ZNF45: variants seen among roughly 807,000 people sequenced by gnomAD.
The protein encoded by ZNF45 is zinc finger protein 45.
ZNF45 carries 4 observed loss-of-function variants against 12.0 expected under a neutral mutation model. The observed-to-expected ratio is 0.33, with a 90% CI of 0.16 to 0.76. ZNF45 has a LOEUF of 0.76. Among genes scored for constraint, ZNF45 ranks in the 30% least tolerant of loss-of-function variants. The probability of loss-of-function intolerance (pLI) is 0.60; values close to 1 mark genes in which losing one functional copy is unlikely to be tolerated. For synonymous variants in ZNF45, 272 were observed against 279.6 expected, an observed-to-expected ratio of 0.97 and a Z score of 0.27; for missense variants, 700 against 813.0, an observed-to-expected ratio of 0.86 and a Z score of 1.69.
At chr19:43,920,877 C>G (rs551828777) in intron 7 of ZNF45, among the ~76,000 whole-genome samples, 1 of 152,100 alleles carries the variant, frequency 6.6e-6, no homozygotes, top group African/African-American at 2.4e-5. Context: ...GCTGGGATTA[C>G]AGGTGTGAGC....
In ZNF45 at chr19:43,913,829, C is replaced by A; in HGVS notation, c.1607G>T (p.Gly536Val). ...KPYQCAECGK[G>V]FSVGSQLQAH... ...TTGAAGCTGTGAACCTACACTGAAG[C>A]CCTTCCCACACTCTGCACACTGATA... Residue 536 changes from glycine (G) to valine (V), a missense_variant, in exon 10 of 10, where the codon GGC (glycine) becomes GTC (valine). Transcript: ENST00000269973. 6.2e-7 allele frequency: 1 copy of A among 1,613,876 alleles called. No individual in the cohort carries two copies. The highest frequency in any genetic ancestry group is 1.1e-5 in the South Asian group (1 of 91,068).
rs371767963 is a variant in ZNF45, at chr19:43,914,298, T to C, written c.1138A>G (p.Ile380Val). 1.2e-5 allele frequency: 20 copies of C among 1,612,998 alleles called. No homozygotes were observed. In the African/African-American group the frequency reaches 2.5e-4, roughly 20 times the overall value. The change falls in exon 10 of 10, where the codon ATA becomes GTA. Residue 380 changes from isoleucine (I) to valine (V), a missense_variant. Transcript: ENST00000269973. ...TATGGCTTCTCTCCAGTGTGGCTTA[T>C]CTGATGGGCCTGAAGGTGTGAACCC... ...SVGSHLQAHQ[I>V]SHTGEKPYKC...
chr19:43,923,155 C>T (rs912694072), intron 6 of ZNF45, among the ~76,000 whole-genome samples: 1 of 152,094 alleles, frequency 6.6e-6, no homozygotes, highest in Admixed American at 6.5e-5. Flanking sequence ...GTTTTTTAAC[C>T]TCTACTTTAA....
chr19:43,933,927 C>T (rs1974328173), intron 2 of ZNF45, among the ~76,000 whole-genome samples: 1 of 152,132 alleles, frequency 6.6e-6, no homozygotes, highest in African/African-American at 2.4e-5. Flanking sequence ...TAAACTCAAC[C>T]TTGCTTTCAA....
At position 43,935,206 on chromosome 19, in the gene ZNF45, C is replaced by T. The variant is rs1974410147; in HGVS notation, c.-1038G>A. 1 of 152,270 alleles carries T rather than the reference C, an allele frequency of 6.6e-6. No individual in the cohort carries two copies. The highest frequency in any genetic ancestry group is 2.4e-5 in the African/African-American group (1 of 41,472). 9.4% of individuals were successfully genotyped at this position (152,270 alleles called of 1,614,324 possible). On this transcript the variant is annotated 5_prime_UTR_variant, in exon 1 of 10. Coordinates refer to ENST00000269973, the MANE Select transcript of ZNF45 (RefSeq NM_003425.4). Reference sequence around the variant, plus strand: ...CCAAACCATAAAAGTTAAAACAGGTCGCGGGGTCCCAGGACTCACTCACTT... The same window carrying T: ...CCAAACCATAAAAGTTAAAACAGGTTGCGGGGTCCCAGGACTCACTCACTT...
In ZNF45 at chr19:43,922,013, TAAAC is replaced by T. The variant is rs527781504; in HGVS notation, c.15+154_15+157del. ...AGTCATAAAATAAAGCAACAAAAAT[TAAAC>T]AACACAAAAGTAAAAAGCAGCAAGC... On this transcript the variant is annotated intron_variant, in intron 7 of 9. Transcript: ENST00000269973. 5.6e-4 allele frequency among the ~76,000 whole-genome samples: 85 copies of T among 152,314 alleles called. 1 individual carries two copies. In the South Asian group the frequency reaches 9.3e-3, roughly 17 times the overall value.
rs748796778 is a variant in ZNF45, at chr19:43,913,590, C to T, written c.1846G>A (p.Glu616Lys). 3 of 1,613,940 alleles carry T rather than the reference C, an allele frequency of 1.9e-6. No individual in the cohort carries two copies. Among genetic ancestry groups the T allele is most frequent in the Non-Finnish European group, 2.5e-6 (3 of 1,179,954 alleles). ...HTGERPYKCE[E>K]CGKVFSWSSY... ...CTCCAGCTGAAGACTTTCCCACATT[C>T]CTCACATTTGTATGGTCTCTCTCCT... The change falls in exon 10 of 10, where the codon GAA (glutamate) becomes AAA (lysine). Residue 616 changes from glutamate to lysine, a missense_variant. Glu to Lys is a moderately conservative substitution (Grantham distance 56, BLOSUM62 1). Coordinates refer to ENST00000269973, the MANE Select transcript of ZNF45 (RefSeq NM_003425.4).
rs754843067 is a variant in ZNF45 at position 43,914,594 on chromosome 19, C to T, written c.842G>A (p.Cys281Tyr). 6.2e-7 allele frequency: 1 copy of T among 1,613,714 alleles called. No homozygotes were observed. Among genetic ancestry groups the T allele is most frequent in the South Asian group, 1.1e-5 (1 of 91,026 alleles). The change falls in exon 10 of 10, where the codon TGT becomes TAT. Residue 281 changes from cysteine (C) to tyrosine (Y), a missense_variant. Transcript: ENST00000269973. The stretch of plus-strand genomic sequence containing the variant: ...TGATCTCTGACTGAAGCCCACCCCA[C>T]ACTCCTCACATTTATAGGGTTTCTC... ...TGEKPYKCEE[C>Y]GVGFSQRSYL...
chr19:43,915,583 T>G (rs1044498374), intron 9 of ZNF45, among the ~76,000 whole-genome samples: 6 of 152,058 alleles, frequency 3.9e-5, no homozygotes, highest in Non-Finnish European at 8.8e-5. Flanking sequence ...CAGCAGGAGG[T>G]GAGCGGGAGG....
Position 43,914,343 on chromosome 19 carries a change from A to G in ZNF45, c.1093T>C (p.Cys365Arg). ...GAACCCACACTGAAACCTTTCCCAC[A>G]CTCCTCACACTTATAGGGTTTCTCT... is the stretch of plus-strand genomic sequence containing the variant. The part of the protein sequence containing the change: ...TGEKPYKCEE[C>R]GKGFSVGSHL... The change falls in exon 10 of 10, where the codon TGT (cysteine) becomes CGT (arginine). Residue 365 changes from cysteine (C) to arginine (R), a missense_variant. Transcript: ENST00000269973. 1 of 1,612,236 alleles carries G rather than the reference A, an allele frequency of 6.2e-7. No individual in the cohort carries two copies. The highest frequency in any genetic ancestry group is 1.1e-5 in the South Asian group (1 of 90,956).
chr19:43,930,442 T>A (rs1974040021), intron 3 of ZNF45, among the ~76,000 whole-genome samples: 1 of 152,172 alleles, frequency 6.6e-6, no homozygotes, highest in Non-Finnish European at 1.5e-5. Context: ...CTCATAGAAG[T>A]AGTGTAGGGC....
Position 43,929,206 on chromosome 19 carries a change from A to T in ZNF45, c.-400+3398T>A, listed in dbSNP as rs79240730. On this transcript the variant is annotated intron_variant, in intron 3 of 9. Coordinates refer to ENST00000269973, the MANE Select transcript of ZNF45 (RefSeq NM_003425.4). ...TTCTCAAACCCTGGTATGCATCCAT[A>T]TCAAAAGGCCTGAGGTTCCATGTGC... Among the ~76,000 whole-genome samples, 306 of 152,274 alleles carry T rather than the reference A, an allele frequency of 2.0e-3. 2 individuals carry two copies. Among genetic ancestry groups the T allele is most frequent in the African/African-American group, 6.7e-3 (279 of 41,568 alleles).
At position 43,914,526 on chromosome 19, in the gene ZNF45, AT is replaced by A; in HGVS notation, c.909del (p.Tyr304IlefsTer77). 1 of 1,612,670 alleles carries A rather than the reference AT, an allele frequency of 6.2e-7. No homozygotes were observed. The highest frequency in any genetic ancestry group is 1.3e-5 in the African/African-American group (1 of 74,926). ...VHLKVHTGKK[P>X]YKCEECGKSF... is the part of the protein sequence containing the mutation. ...CTCTTCCCACACTCTTCACACTTAT[AT>A]GGTTTCTTTCCAGTGTGAACTTTCA... On this transcript the variant is annotated frameshift_variant, in exon 10 of 10. Transcript: ENST00000269973. LOFTEE classifies it low-confidence loss of function (END_TRUNC).
intron 6 of ZNF45, 76 bp from the exon 7 acceptor site, chr19:43,922,293 G>T: frequency 9.7e-7 from 1 of 1,036,094 alleles, no homozygotes; most frequent in Non-Finnish European, 1.4e-6. Flanking sequence ...AACCATAGCT[G>T]TTTTTTTGTT....
At chr19:43,933,730 A>T (rs568154260) in intron 2 of ZNF45, among the ~76,000 whole-genome samples, 12 of 152,328 alleles carry the variant, frequency 7.9e-5, no homozygotes, top group Middle Eastern at 3.4e-3. Context: ...CACATTAAAA[A>T]CTGCTAAACA....
At position 43,916,241 on chromosome 19, in the gene ZNF45, A is replaced by G. The variant is rs566103920; in HGVS notation, c.236-1041T>C. Among the ~76,000 whole-genome samples, 35 of 152,044 alleles carry G rather than the reference A, an allele frequency of 2.3e-4. 1 individual carries two copies. The South Asian group carries it at 7.3e-3, about 32-fold the overall frequency. On this transcript the variant is annotated intron_variant, in intron 9 of 9. Transcript: ENST00000269973. ...GTGATTCTCCTGCCTTATCCCCCCA[A>G]GCTGCTGGGACTACAGAAGCACACC...
At chr19:43,920,882 G>A (rs1973114194) in intron 7 of ZNF45, among the ~76,000 whole-genome samples, 1 of 152,136 alleles carries the variant, frequency 6.6e-6, no homozygotes, top group South Asian at 2.1e-4. Flanking sequence ...GATTACAGGT[G>A]TGAGCCACTG....
chr19:43,934,382 A>G (rs1441411348), intron 2 of ZNF45, 44 bp downstream of exon 2: 2 of 152,268 alleles, frequency 1.3e-5, no homozygotes, highest in Non-Finnish European at 2.9e-5. Flanking sequence ...TTATACAATA[A>G]CGGAACACTT....
At chr19:43,917,715 GTC>G (rs755230422) in intron 9 of ZNF45, among the ~76,000 whole-genome samples, 10 of 152,126 alleles carry the variant, frequency 6.6e-5, no homozygotes, top group Admixed American at 2.0e-4. Context: ...GGAACTCCTG[GTC>G]TCAGGTGATC....
Sources: allele counts gnomAD v4.1 joint callset (sites outside exome capture counted in the v4.1 genomes callset), GRCh38; gene constraint gnomAD v4.1.1; transcripts MANE v1.5; gene names NCBI Gene and HGNC (gene_info 2026-07-23, HGNC 2026-07-21).